Variants in GFRAL observed in about 807,000 individuals in gnomAD.
GFRAL encodes the protein GDNF family receptor alpha-like.
GFRAL carries 36 observed loss-of-function variants against 45.4 expected under a neutral mutation model. That is an observed-to-expected ratio of 0.79 (90% CI 0.61 to 1.05). The LOEUF is 1.05. Ranked by LOEUF, GFRAL falls within the 50% of genes least tolerant of loss-of-function variation. The probability of loss-of-function intolerance (pLI) is 0.00; values close to 1 mark genes in which losing one functional copy is unlikely to be tolerated. For synonymous variants in GFRAL, 166 were observed against 154.1 expected (o/e 1.08, Z -0.57); for missense variants, 507 against 467.5 (o/e 1.08, Z -0.78).
At chr6:55,389,476 T>TA (rs893188842) in intron 6 of GFRAL, among the ~76,000 whole-genome samples, 16 of 152,022 alleles carry the variant, frequency 1.1e-4, no homozygotes, top group African/African-American at 3.4e-4. Context: ...TTTCTTACTT[T>TA]AAAAAAAATA....
intron 6 of GFRAL, among the ~76,000 whole-genome samples, chr6:55,397,524 C>CAAAAAAAAAAAAAAAA (rs70986715): frequency 8.9e-5 from 6 of 67,416 alleles, no homozygotes; most frequent in Non-Finnish European, 1.4e-4. Flanking sequence ...GACTCCGTCT[C>CAAAAAAAAAAAAAAAA]AAAAAAAAAA....
intron 5 of GFRAL, among the ~76,000 whole-genome samples, chr6:55,357,635 A>G (rs1034280053): frequency 6.6e-6 from 1 of 151,668 alleles, no homozygotes. Flanking sequence ...ATTCAGCCAT[A>G]CTATGTCTTT....
intron 6 of GFRAL, among the ~76,000 whole-genome samples, chr6:55,367,839 G>A: frequency 6.6e-6 from 1 of 151,992 alleles, no homozygotes. Context: ...TTCCCTTTGA[G>A]GGTAACCCGA....
chr6:55,367,994 C>G (rs577599543), intron 6 of GFRAL, among the ~76,000 whole-genome samples: 19,268 of 136,128 alleles, frequency 0.14, 1,503 homozygotes, highest in African/African-American at 0.23. Flanking sequence ...GGCCTGCCTT[C>G]CTAGATTGGG....
At chr6:55,361,507 T>C (rs1335460422) in intron 6 of GFRAL, among the ~76,000 whole-genome samples, 1 of 152,050 alleles carries the variant, frequency 6.6e-6, no homozygotes, top group African/African-American at 2.4e-5. Context: ...TATTTTATCA[T>C]TTTGCTGTTT....
intron 1 of GFRAL, among the ~76,000 whole-genome samples, chr6:55,328,470 G>C (rs1205423774): frequency 4.0e-5 from 6 of 151,734 alleles, no homozygotes; most frequent in Admixed American, 3.9e-4. Context: ...ATCAAGTCAA[G>C]GAAACAAGTT....
intron 6 of GFRAL, among the ~76,000 whole-genome samples, chr6:55,387,528 A>G (rs1369846046): frequency 6.6e-6 from 1 of 152,196 alleles, no homozygotes; most frequent in African/African-American, 2.4e-5. Flanking sequence ...ATATGTGGGC[A>G]CTTAATAGTT....
chr6:55,392,123 A>G (rs991405728), intron 6 of GFRAL, among the ~76,000 whole-genome samples: 11 of 152,106 alleles, frequency 7.2e-5, no homozygotes, highest in Non-Finnish European at 1.2e-4. Flanking sequence ...CTTCCCTCAT[A>G]TAAACTCCTT....
intron 3 of GFRAL, among the ~76,000 whole-genome samples, chr6:55,341,348 C>A (rs1188047582): frequency 6.6e-6 from 1 of 152,184 alleles, no homozygotes; most frequent in African/African-American, 2.4e-5. Context: ...GATCAGACAA[C>A]AACATTTGCT....
intron 3 of GFRAL, among the ~76,000 whole-genome samples, chr6:55,335,481 A>G (rs1034756488): frequency 6.3e-4 from 96 of 152,286 alleles, no homozygotes; most frequent in African/African-American, 2.2e-3. Flanking sequence ...CTTTTCTTTC[A>G]TAGATCATAC....
chr6:55,401,999 G>A lies in GFRAL; in HGVS notation c.*146G>A, dbSNP rs142268749. ...TTCTTTTTCTTTTCTTTTTTGTGGC[G>A]GAGTTTTGCTCTTGTTGCCCAGGCT... On this transcript the variant is annotated 3_prime_UTR_variant, in exon 9 of 9. Coordinates refer to ENST00000340465, the MANE Select transcript of GFRAL (RefSeq NM_207410.2). 9,226 of 553,738 alleles carry A rather than the reference G, an allele frequency of 0.017. 111 individuals carry two copies. The highest frequency in any genetic ancestry group is 0.021 in the Non-Finnish European group (6,770 of 321,376). 34.3% of individuals were successfully genotyped at this position (553,738 alleles called of 1,614,324 possible). A position where few individuals can be genotyped will look rare whatever the true frequency, so the allele number is the denominator to read the frequency against.
rs1768905066 is a variant in GFRAL at position 55,401,938 on chromosome 6, T to C, written c.*85T>C. The C allele has an allele frequency of 4.1e-6, 3 of 739,656 alleles. No homozygotes were observed. The highest frequency in any genetic ancestry group is 7.0e-6 in the Non-Finnish European group (3 of 427,342). 45.8% of individuals were successfully genotyped at this position (739,656 alleles called of 1,614,324 possible). ...TTTTCTTCTCTCCTCTCCTCTCCTC[T>C]CTTCTCCTCTCCTCCCCTCCCCTCT... On this transcript the variant is annotated 3_prime_UTR_variant, in exon 9 of 9. Transcript: ENST00000340465.
At chr6:55,393,897 T>C (rs567111338) in intron 6 of GFRAL, among the ~76,000 whole-genome samples, 14 of 152,270 alleles carry the variant, frequency 9.2e-5, no homozygotes, top group African/African-American at 2.6e-4. Flanking sequence ...TTCCTTGTAG[T>C]CAGGCAGAAG....
chr6:55,331,693 GT>G, intron 1 of GFRAL, 21 bp from the exon 2 acceptor site: 1 of 1,591,260 alleles, frequency 6.3e-7, no homozygotes, highest in South Asian at 1.2e-5. Flanking sequence ...TTACAACCTT[GT>G]TTTTGTTGTT....
intron 2 of GFRAL, among the ~76,000 whole-genome samples, chr6:55,332,508 C>T (rs1431828897): frequency 1.3e-5 from 2 of 151,936 alleles, no homozygotes; most frequent in Non-Finnish European, 2.9e-5. Flanking sequence ...CAACCTCCGC[C>T]TCCCGGGTTC....
In GFRAL at chr6:55,365,592, T is replaced by G. The variant is rs1223667764; in HGVS notation, c.952+6454T>G. Among the ~76,000 whole-genome samples the G allele has an allele frequency of 4.2e-3, 460 of 109,552 alleles. 37 individuals are homozygous for G. The highest frequency in any genetic ancestry group is 0.017 in the African/African-American group (398 of 23,908). 71.9% of individuals were successfully genotyped at this position (109,552 alleles called of 152,430 possible). The stretch of plus-strand genomic sequence containing the variant: ...GCTGTGGGTTTGTCATAGATAGCTC[T>G]TATTATTTTGAAATATGTCCCATCA... On this transcript the variant is annotated intron_variant, in intron 6 of 8. Coordinates refer to ENST00000340465, the MANE Select transcript of GFRAL (RefSeq NM_207410.2).
intron 3 of GFRAL, among the ~76,000 whole-genome samples, chr6:55,344,079 A>G (rs1487333840): frequency 6.6e-6 from 1 of 152,170 alleles, no homozygotes; most frequent in African/African-American, 2.4e-5. Context: ...CCAGGACCAG[A>G]TGGATTCACA....
At chr6:55,349,951 C>T (rs773338963) in intron 3 of GFRAL, 141 bp from the exon 4 acceptor site, 26 of 649,634 alleles carry the variant, frequency 4.0e-5, no homozygotes, top group African/African-American at 1.3e-4. Flanking sequence ...ATATCAAGGG[C>T]TAAATACATG....
At chr6:55,352,995 A>C (rs914980355) in intron 5 of GFRAL, among the ~76,000 whole-genome samples, 11 of 152,176 alleles carry the variant, frequency 7.2e-5, no homozygotes, top group African/African-American at 2.6e-4. Flanking sequence ...GGCAAACAGT[A>C]GATACTGAGA....
Sources: gnomAD v4.1 joint callset for allele counts (sites outside exome capture counted in the v4.1 genomes callset) on GRCh38, gnomAD v4.1.1 for gene constraint, MANE v1.5 for transcripts, NCBI Gene and HGNC (gene_info 2026-07-23, HGNC 2026-07-21) for gene names.